EIF4G3: variants seen among roughly 807,000 people sequenced by gnomAD.
EIF4G3 encodes the protein eIF-4-gamma 3.
A neutral mutation model predicts 186.4 loss-of-function variants in EIF4G3; 34 were observed. The ratio of observed to expected loss-of-function variants is 0.18; its 90% CI spans 0.14 to 0.24. The LOEUF (loss-of-function observed/expected upper bound fraction) is 0.24, where lower values mean the gene tolerates loss of function less well. Ranked by LOEUF, EIF4G3 falls within the 10% of genes least tolerant of loss-of-function variation. The pLI is 1.00. For synonymous variants in EIF4G3, 673 were observed against 679.5 expected, an observed-to-expected ratio of 0.99 and a Z score of 0.15; for missense variants, 1,536 against 1,948.5, an observed-to-expected ratio of 0.79 and a Z score of 3.99.
intron 20 of EIF4G3, among the ~76,000 whole-genome samples, chr1:20,876,877 T>C (rs1037615660): frequency 3.9e-5 from 6 of 151,958 alleles, no homozygotes; most frequent in East Asian, 3.9e-4. Flanking sequence ...TGTGTGCCTA[T>C]AGTCAAGGAG....
intron 36 of EIF4G3, among the ~76,000 whole-genome samples, chr1:20,808,404 G>A (rs1445455461): frequency 8.6e-5 from 13 of 151,860 alleles, no homozygotes; most frequent in African/African-American, 4.8e-5. Flanking sequence ...AGAGGTGGCC[G>A]GGCGCGGTGG....
At chr1:21,106,426 AT>A (rs1442120119) in intron 2 of EIF4G3, among the ~76,000 whole-genome samples, 2 of 152,186 alleles carry the variant, frequency 1.3e-5, no homozygotes, top group African/African-American at 4.8e-5. Context: ...GGGAATAGCT[AT>A]TGCATAAGAG....
At chr1:21,168,743 T>C (rs1027412428) in intron 2 of EIF4G3, among the ~76,000 whole-genome samples, 1 of 152,008 alleles carries the variant, frequency 6.6e-6, no homozygotes, top group Non-Finnish European at 1.5e-5. Flanking sequence ...GTACTTTTCA[T>C]GGCAGATACT....
At chr1:21,029,461 G>A (rs2154571722) in intron 4 of EIF4G3, among the ~76,000 whole-genome samples, 1 of 151,784 alleles carries the variant, frequency 6.6e-6, no homozygotes, top group Admixed American at 6.5e-5. Flanking sequence ...AAGAGAAATT[G>A]AGTCGGGGGG....
chr1:21,142,421 C>T (rs138411129), intron 2 of EIF4G3, among the ~76,000 whole-genome samples: 101 of 152,134 alleles, frequency 6.6e-4, no homozygotes, highest in Admixed American at 2.6e-3. Flanking sequence ...GTAGGAGGAT[C>T]GCTTGAGCCT....
At chr1:21,146,633 T>C (rs2102735815) in intron 2 of EIF4G3, among the ~76,000 whole-genome samples, 1 of 152,082 alleles carries the variant, frequency 6.6e-6, no homozygotes, top group South Asian at 2.1e-4. Context: ...GGTGGCCACC[T>C]GTAATCCCAG....
intron 2 of EIF4G3, among the ~76,000 whole-genome samples, chr1:21,114,619 T>C (rs1558028584): frequency 6.6e-6 from 1 of 152,160 alleles, no homozygotes. Flanking sequence ...TTAAGACCAC[T>C]GTTGGACAAT....
chr1:21,072,669 TG>T (rs1420046569), intron 3 of EIF4G3, among the ~76,000 whole-genome samples: 1 of 152,168 alleles, frequency 6.6e-6, no homozygotes, highest in Non-Finnish European at 1.5e-5. Context: ...CCCAAAGTGC[TG>T]GGATTACAGG....
chr1:20,986,767 A>G lies in EIF4G3; in HGVS notation c.178-4359T>C, dbSNP rs1219255862. On this transcript the variant is annotated intron_variant, in intron 7 of 36. Transcript: ENST00000602326. ...TCCAAAAAAAAAAAAAAAAAAAAAA[A>G]AAAAGAAAACTTGACATAAATGTCA... Among the ~76,000 whole-genome samples the G allele has an allele frequency of 6.6e-3, 958 of 144,234 alleles. 10 individuals are homozygous for G. Among genetic ancestry groups the G allele is most frequent in the Non-Finnish European group, 9.9e-3 (644 of 65,330 alleles). 94.6% of individuals were successfully genotyped at this position (144,234 alleles called of 152,430 possible). A position where few individuals can be genotyped will look rare whatever the true frequency, so the allele number is the denominator to read the frequency against.
intron 7 of EIF4G3, among the ~76,000 whole-genome samples, chr1:20,993,482 A>G (rs2081571175): frequency 6.6e-6 from 1 of 152,180 alleles, no homozygotes; most frequent in Non-Finnish European, 1.5e-5. Context: ...GCCTACCTAA[A>G]TAATTGTATT....
At chr1:21,158,775 T>C (rs192977462) in intron 2 of EIF4G3, among the ~76,000 whole-genome samples, 648 of 152,184 alleles carry the variant, frequency 4.3e-3, no homozygotes, top group Non-Finnish European at 6.7e-3. Context: ...TATATAGGTG[T>C]TCATCCATGG....
chr1:20,947,437 A>C (rs1269532477), intron 13 of EIF4G3, among the ~76,000 whole-genome samples: 1 of 152,052 alleles, frequency 6.6e-6, no homozygotes, highest in Non-Finnish European at 1.5e-5. Context: ...ACATTACATA[A>C]ATTTGGTTAA....
At chr1:21,102,923 T>C (rs1193133841) in intron 2 of EIF4G3, among the ~76,000 whole-genome samples, 3 of 152,210 alleles carry the variant, frequency 2.0e-5, no homozygotes, top group Non-Finnish European at 4.4e-5. Flanking sequence ...ATATATTCCA[T>C]TTCAATTCTC....
chr1:20,826,381 G>C (rs1372492742), intron 32 of EIF4G3, among the ~76,000 whole-genome samples: 3 of 151,022 alleles, frequency 2.0e-5, no homozygotes, highest in African/African-American at 4.9e-5. Context: ...TGGCCAGACT[G>C]GTCTCCAACT....
At position 21,048,793 on chromosome 1, in the gene EIF4G3, C is replaced by T. The variant is rs556725482; in HGVS notation, c.-67+2073G>A. On this transcript the variant is annotated intron_variant, in intron 4 of 36. Coordinates refer to ENST00000602326, the MANE Select transcript of EIF4G3 (RefSeq NM_001391906.1). ...CATTCAGAAAGCCACACCGTGCCCT[C>T]TCCAACAAGGTCAAGATCTTAGCCC... Among the ~76,000 whole-genome samples the T allele has an allele frequency of 9.5e-4, 145 of 152,322 alleles. 2 individuals are homozygous for T. Among genetic ancestry groups the T allele is most frequent in the African/African-American group, 3.3e-3 (136 of 41,570 alleles).
Position 20,904,179 on chromosome 1 carries a change from T to A in EIF4G3, c.1752+704A>T, listed in dbSNP as rs144923370. 6.0e-4 allele frequency among the ~76,000 whole-genome samples: 92 copies of A among 152,332 alleles called. No homozygotes were observed. The East Asian group carries it at 0.017, about 28-fold the overall frequency. On this transcript the variant is annotated intron_variant, in intron 15 of 36. Transcript: ENST00000602326. ...ATGTTTCTGGGATGCAGTTAACAGATGACAGATTCAAAATCAATTCCTTTA... is the reference window on the plus strand; with the variant it reads ...ATGTTTCTGGGATGCAGTTAACAGAAGACAGATTCAAAATCAATTCCTTTA...
chr1:20,877,900 G>T (rs986280514), intron 20 of EIF4G3, among the ~76,000 whole-genome samples: 1 of 152,102 alleles, frequency 6.6e-6, no homozygotes, highest in Non-Finnish European at 1.5e-5. Flanking sequence ...CTGGAGTGTT[G>T]TGGTGCAATC....
chr1:20,818,885 C>T (rs1253113527), intron 33 of EIF4G3, among the ~76,000 whole-genome samples: 5 of 152,102 alleles, frequency 3.3e-5, no homozygotes, highest in East Asian at 3.8e-4. Flanking sequence ...CTGATTGTTC[C>T]GTTTCTACCA....
rs2084180289 is a variant in EIF4G3, at chr1:20,886,464, T to C, written c.2254-93A>G. On this transcript the variant is annotated intron_variant, in intron 18 of 36. Coordinates refer to ENST00000602326, the MANE Select transcript of EIF4G3 (RefSeq NM_001391906.1). ...CAAGTCTGATGACTACGCCAAGCAA[T>C]GCTAGATGCAAAGATTGGGTACTAG... is the stretch of plus-strand genomic sequence containing the variant. The C allele has an allele frequency of 3.2e-6, 4 of 1,252,718 alleles. No individual in the cohort carries two copies. The Admixed American group carries it at 7.2e-5, about 23-fold the overall frequency. 77.6% of individuals were successfully genotyped at this position (1,252,718 alleles called of 1,614,324 possible). A position where few individuals can be genotyped will look rare whatever the true frequency, so the allele number is the denominator to read the frequency against.
Sources: allele counts gnomAD v4.1 joint callset (sites outside exome capture counted in the v4.1 genomes callset), GRCh38; gene constraint gnomAD v4.1.1; transcripts MANE v1.5; gene names NCBI Gene and HGNC (gene_info 2026-07-23, HGNC 2026-07-21).